The following DPP10 variants were observed in gnomAD, a reference collection of about 807,000 sequenced individuals.
DPP10 encodes the protein dipeptidyl peptidase like 10.
DPP10 carries 33 observed loss-of-function variants against 120.9 expected under a neutral mutation model. That is an observed-to-expected ratio of 0.27 (90% confidence interval 0.21 to 0.37). DPP10 has a LOEUF of 0.37. Among genes scored for constraint, DPP10 ranks in the 10% least tolerant of loss-of-function variants. DPP10 has a pLI of 1.00. For missense variants in DPP10, 816 were observed against 942.8 expected, an observed-to-expected ratio of 0.87 and a Z score of 1.76; for synonymous variants, 337 against 326.1, an observed-to-expected ratio of 1.03 and a Z score of -0.36.
intron 1 of DPP10, among the ~76,000 whole-genome samples, chr2:114,484,185 C>T (rs1309700121): frequency 6.6e-6 from 1 of 152,136 alleles, no homozygotes; most frequent in East Asian, 1.9e-4. Context: ...GGTTCATGTC[C>T]TGGATCGAAC....
Position 114,939,274 on chromosome 2 carries a change from G to C in DPP10, c.61-369965G>C, listed in dbSNP as rs573175486. Among the ~76,000 whole-genome samples, 14 of 151,840 alleles carry C rather than the reference G, an allele frequency of 9.2e-5. No homozygotes were observed. In the East Asian group the frequency reaches 1.2e-3, roughly 13 times the overall value. ...GAGGAGGAAGAGCAGGTGTTGAAAG[G>C]GGGGGGTGGTTAGGCATCCTCTTGT... On this transcript the variant is annotated intron_variant, in intron 1 of 25. Coordinates refer to ENST00000410059, the MANE Select transcript of DPP10 (RefSeq NM_020868.6).
chr2:114,952,582 T>C (rs1443548579), intron 1 of DPP10, among the ~76,000 whole-genome samples: 1 of 146,076 alleles, frequency 6.8e-6, no homozygotes, highest in East Asian at 2.1e-4. Context: ...CTCTAAAATA[T>C]CTATGCCAAA....
chr2:114,932,557 G>A (rs1470836610), intron 1 of DPP10, among the ~76,000 whole-genome samples: 1 of 152,156 alleles, frequency 6.6e-6, no homozygotes, highest in East Asian at 1.9e-4. Flanking sequence ...AAAAGAATAT[G>A]TATGTTCTAT....
intron 1 of DPP10, chr2:115,234,118 T>G: frequency 1.2e-5 from 4 of 338,088 alleles, no homozygotes; most frequent in South Asian, 8.8e-5. Context: ...TCCCAAGTTT[T>G]ATAGATCTGT....
rs187824506 is a variant in DPP10, at chr2:115,323,034, A to T, written c.175+13681A>T. ...CAGTTTCTTAAAATAAGAGAGAAAT[A>T]AAGTTTGCCACATTAACTGGCAATT... On this transcript the variant is annotated intron_variant, in intron 2 of 25. Coordinates refer to ENST00000410059, the MANE Select transcript of DPP10 (RefSeq NM_020868.6). Among the ~76,000 whole-genome samples, 164 of 152,304 alleles carry T rather than the reference A, an allele frequency of 1.1e-3. 1 individual carries two copies. Among genetic ancestry groups the T allele is most frequent in the Non-Finnish European group, 1.8e-3 (122 of 68,018 alleles).
intron 1 of DPP10, among the ~76,000 whole-genome samples, chr2:115,095,576 T>TTG (rs1559088404): frequency 1.1e-5 from 1 of 92,504 alleles, no homozygotes; most frequent in East Asian, 6.3e-4. Context: ...TCTGTTTGGT[T>TTG]TTTTTTTTGT....
chr2:115,805,110 C>T (rs1685763897), intron 19 of DPP10, among the ~76,000 whole-genome samples: 1 of 152,158 alleles, frequency 6.6e-6, no homozygotes, highest in Non-Finnish European at 1.5e-5. Context: ...CTTTGTTTAT[C>T]TACTCAAGCC....
chr2:114,445,534 C>CTG (rs145248880), intron 1 of DPP10, among the ~76,000 whole-genome samples: 14,664 of 143,388 alleles, frequency 0.1, 823 homozygotes, highest in East Asian at 0.25. Context: ...AAAAACAGCT[C>CTG]TGTGTGTGTG....
intron 3 of DPP10, among the ~76,000 whole-genome samples, chr2:115,467,208 GCA>G (rs769035481): frequency 1.3e-5 from 2 of 152,044 alleles, no homozygotes; most frequent in African/African-American, 4.8e-5. Context: ...ATGCATGTTT[GCA>G]CACACACATG....
chr2:115,772,577 C>T (rs540187628), intron 13 of DPP10, among the ~76,000 whole-genome samples: 4 of 152,086 alleles, frequency 2.6e-5, no homozygotes, highest in Non-Finnish European at 4.4e-5. Context: ...GTGTTTTGTA[C>T]ACGTATTACT....
chr2:115,060,354 C>T (rs775987524), intron 1 of DPP10, among the ~76,000 whole-genome samples: 32 of 152,056 alleles, frequency 2.1e-4, no homozygotes, highest in Non-Finnish European at 3.4e-4. Flanking sequence ...GCAATTTGGG[C>T]GGCCGAGGCA....
intron 1 of DPP10, among the ~76,000 whole-genome samples, chr2:115,222,644 G>A (rs2057234615): frequency 6.6e-6 from 1 of 152,018 alleles, no homozygotes; most frequent in Admixed American, 6.6e-5. Flanking sequence ...TCAGCAGCAT[G>A]AAAATGGACA....
chr2:115,758,594 A>G (rs994541635), intron 11 of DPP10, among the ~76,000 whole-genome samples: 4 of 152,134 alleles, frequency 2.6e-5, no homozygotes, highest in Non-Finnish European at 4.4e-5. Flanking sequence ...GAAACAGACA[A>G]GCTGTTTTTA....
At chr2:115,101,420 G>A (rs560821497) in intron 1 of DPP10, among the ~76,000 whole-genome samples, 1 of 152,206 alleles carries the variant, frequency 6.6e-6, no homozygotes, top group Admixed American at 6.5e-5. Flanking sequence ...CAGAACTCTA[G>A]GGGTGTACAT....
chr2:114,926,582 C>T (rs774051382), intron 1 of DPP10, among the ~76,000 whole-genome samples: 33 of 152,162 alleles, frequency 2.2e-4, no homozygotes, highest in Non-Finnish European at 4.3e-4. Flanking sequence ...ATACTAACTG[C>T]CTGCTGTGTT....
At chr2:115,164,307 T>C (rs2052665641) in intron 1 of DPP10, among the ~76,000 whole-genome samples, 1 of 152,034 alleles carries the variant, frequency 6.6e-6, no homozygotes, top group Non-Finnish European at 1.5e-5. Context: ...TAAACTACTT[T>C]CCGTAAGACT....
intron 3 of DPP10, among the ~76,000 whole-genome samples, chr2:115,421,244 T>C (rs924511876): frequency 1.3e-4 from 20 of 152,308 alleles, no homozygotes; most frequent in Non-Finnish European, 2.5e-4. Context: ...TCCAGAAATA[T>C]ACAAATATAT....
At chr2:115,526,204 GT>G in intron 5 of DPP10, 1 of 405,562 alleles carries the variant, frequency 2.5e-6, no homozygotes, top group East Asian at 4.2e-5. Context: ...GCTGATCCAA[GT>G]CCATCTCTTG....
intron 3 of DPP10, among the ~76,000 whole-genome samples, chr2:115,475,505 A>C (rs1411243296): frequency 1.3e-5 from 2 of 152,202 alleles, no homozygotes; most frequent in Non-Finnish European, 2.9e-5. Context: ...CCAGGAAGCC[A>C]ATGTGGAGGG....
Sources: gnomAD v4.1 joint callset for allele counts (sites outside exome capture counted in the v4.1 genomes callset) on GRCh38, gnomAD v4.1.1 for gene constraint, MANE v1.5 for transcripts, NCBI Gene and HGNC (gene_info 2026-07-23, HGNC 2026-07-21) for gene names.